The following COPS3 variants were observed in gnomAD, a reference collection of about 807,000 sequenced individuals.
The protein encoded by COPS3 is COP9 signalosome subunit 3, also known as COP9 signalosome complex subunit 3.
A neutral mutation model predicts 58.2 loss-of-function variants in COPS3; 10 were observed. The observed-to-expected ratio is 0.17, with a 90% CI of 0.11 to 0.29. The LOEUF is 0.29. Among genes scored for constraint, COPS3 ranks in the 10% least tolerant of loss-of-function variants. The pLI is 1.00. For synonymous variants in COPS3, 187 were observed against 181.7 expected (o/e 1.03, Z -0.24); for missense variants, 333 against 510.1 (o/e 0.65, Z 3.34).
chr17:17,269,706 A>T (rs1243709909), intron 4 of COPS3, among the ~76,000 whole-genome samples: 1 of 152,244 alleles, frequency 6.6e-6, no homozygotes, highest in East Asian at 1.9e-4. Context: ...AAAGAAACAA[A>T]GCAGTCTAAT....
chr17:17,248,423 T>A (rs1003131152), intron 10 of COPS3, among the ~76,000 whole-genome samples: 6 of 152,166 alleles, frequency 3.9e-5, no homozygotes, highest in Non-Finnish European at 7.3e-5. Context: ...TAAGAGACTT[T>A]CCTGCCTCAG....
intron 1 of COPS3, chr17:17,280,627 G>C (rs948185638): frequency 1.5e-4 from 191 of 1,303,248 alleles, no homozygotes; most frequent in Non-Finnish European, 1.9e-4. Flanking sequence ...ACAGGTTCCC[G>C]AGCGTGCGCC....
chr17:17,275,664 C>A (rs1476801515), intron 2 of COPS3, among the ~76,000 whole-genome samples: 1 of 152,008 alleles, frequency 6.6e-6, no homozygotes, highest in Non-Finnish European at 1.5e-5. Context: ...AAAGCCAGGG[C>A]TGGGCGTGGT....
rs1009883632 is a variant in COPS3 at position 17,271,930 on chromosome 17, T to A, written c.186-922A>T. 1.6e-3 allele frequency among the ~76,000 whole-genome samples: 229 copies of A among 146,286 alleles called. 2 individuals carry two copies. Among genetic ancestry groups the A allele is most frequent in the African/African-American group, 5.1e-3 (207 of 40,390 alleles). ...CATGTATATATTAAACATATATGTT[T>A]TATATATATATATATGTTTAATAAG... On this transcript the variant is annotated intron_variant, in intron 2 of 11. Coordinates refer to ENST00000268717, the MANE Select transcript of COPS3 (RefSeq NM_003653.4).
chr17:17,278,878 CTTT>C (rs1278820637), intron 1 of COPS3, among the ~76,000 whole-genome samples: 4 of 140,454 alleles, frequency 2.8e-5, no homozygotes, highest in Admixed American at 7.2e-5. Context: ...TCTTTTTTTT[CTTT>C]TTTTTTTTTT....
In COPS3 at chr17:17,247,578, T is replaced by G; in HGVS notation, c.1138-18A>C. The stretch of plus-strand genomic sequence containing the variant: ...TTCAGCATCTGCATGACAGGCACAT[T>G]AGAAGGTGGTCAGCGGCGGGTTTAG... On this transcript the variant is annotated intron_variant, in intron 10 of 11. Transcript: ENST00000268717. 1.2e-6 allele frequency: 2 copies of G among 1,613,936 alleles called. No individual in the cohort carries two copies. The highest frequency in any genetic ancestry group is 1.7e-6 in the Non-Finnish European group (2 of 1,179,832).
At chr17:17,275,650 A>AT (rs1021948734) in intron 2 of COPS3, among the ~76,000 whole-genome samples, 1 of 152,220 alleles carries the variant, frequency 6.6e-6, no homozygotes, top group Admixed American at 6.5e-5. Context: ...AAATAAATAA[A>AT]AATAAAGCCA....
rs377400440 is a variant in COPS3, at chr17:17,280,400, C to CAA, written c.55+730_55+731dup. ...CCTGGGAGACAGTGAGACTCCGTCTCAAAAAAAAAAAAAGCCGTGTGAGCT... is the reference window on the plus strand; with the variant it reads ...CCTGGGAGACAGTGAGACTCCGTCTCAAAAAAAAAAAAAAAGCCGTGTGAGCT... On this transcript the variant is annotated intron_variant, in intron 1 of 11. Transcript: ENST00000268717. Among the ~76,000 whole-genome samples, 754 of 108,226 alleles carry CAA rather than the reference C, an allele frequency of 7.0e-3. 4 individuals are homozygous for CAA. Among genetic ancestry groups the CAA allele is most frequent in the Middle Eastern group, 0.016 (3 of 182 alleles). 71.0% of individuals were successfully genotyped at this position (108,226 alleles called of 152,430 possible).
chr17:17,257,791 C>T (rs560401487), intron 8 of COPS3, among the ~76,000 whole-genome samples: 23 of 119,706 alleles, frequency 1.9e-4, no homozygotes, highest in Admixed American at 5.1e-4. Context: ...AGCAAGACTC[C>T]GTCTCAAAAA....
Position 17,262,288 on chromosome 17 carries a change from T to A in COPS3, c.622-182A>T, listed in dbSNP as rs1199870671. 3.9e-5 allele frequency among the ~76,000 whole-genome samples: 6 copies of A among 152,268 alleles called. No individual in the cohort carries two copies. In the East Asian group the frequency reaches 1.2e-3, roughly 29 times the overall value. On this transcript the variant is annotated intron_variant, in intron 6 of 11. Transcript: ENST00000268717. Reference sequence around the variant, plus strand: ...ATTTATGCATTTTTTAGAGACAGGGTCTCGCTCTGTCATCTAGGCTGGAGC... The same window carrying A: ...ATTTATGCATTTTTTAGAGACAGGGACTCGCTCTGTCATCTAGGCTGGAGC...
At chr17:17,267,455 A>G (rs1208626806) in intron 5 of COPS3, among the ~76,000 whole-genome samples, 1 of 151,842 alleles carries the variant, frequency 6.6e-6, no homozygotes, top group Non-Finnish European at 1.5e-5. Flanking sequence ...CCTGGCCAAC[A>G]TGGTGAAACC....
intron 7 of COPS3, chr17:17,261,542 A>G (rs2048100554): frequency 2.9e-6 from 1 of 341,692 alleles, no homozygotes; most frequent in East Asian, 1.2e-4. Flanking sequence ...AAATAAATAA[A>G]TAAATAAAAT....
intron 1 of COPS3, chr17:17,280,493 G>C: frequency 9.1e-7 from 1 of 1,096,360 alleles, no homozygotes; most frequent in South Asian, 1.6e-5. Context: ...CCGGGAGGCT[G>C]AGGTTGCAGT....
intron 6 of COPS3, among the ~76,000 whole-genome samples, chr17:17,262,924 G>A (rs530459648): frequency 2.0e-5 from 3 of 151,400 alleles, no homozygotes; most frequent in South Asian, 4.2e-4. Context: ...TTTTGAGGAC[G>A]AGTCTCTGTT....
At chr17:17,264,653 T>G (rs549248569) in intron 6 of COPS3, 149 bp downstream of exon 6, 2 of 620,994 alleles carry the variant, frequency 3.2e-6, no homozygotes, top group African/African-American at 3.7e-5. Context: ...GTTACCACTA[T>G]TTACATGATC....
chr17:17,280,847 C>G, intron 1 of COPS3: 1 of 1,220,570 alleles, frequency 8.2e-7, no homozygotes, highest in Non-Finnish European at 1.1e-6. Flanking sequence ...CGCCCCCAAA[C>G]TGTCAAGCAA....
intron 11 of COPS3, 122 bp from the exon 12 acceptor site, chr17:17,247,273 G>A: frequency 9.6e-7 from 1 of 1,037,774 alleles, no homozygotes; most frequent in Non-Finnish European, 1.5e-6. Flanking sequence ...AACAAGGGCA[G>A]GCAATTCCAG....
intron 2 of COPS3, among the ~76,000 whole-genome samples, 161 bp downstream of exon 2, chr17:17,275,874 G>A (rs978892605): frequency 4.6e-5 from 7 of 152,112 alleles, no homozygotes; most frequent in South Asian, 2.1e-4. Context: ...CCCGGGAGGC[G>A]GAGCTTGCAG....
chr17:17,275,420 C>T (rs1269230336), intron 2 of COPS3, among the ~76,000 whole-genome samples: 1 of 152,096 alleles, frequency 6.6e-6, no homozygotes, highest in Non-Finnish European at 1.5e-5. Context: ...GAGACAGTCT[C>T]GCTCTGTCAC....
Sources: allele counts gnomAD v4.1 joint callset (sites outside exome capture counted in the v4.1 genomes callset), GRCh38; gene constraint gnomAD v4.1.1; transcripts MANE v1.5; gene names NCBI Gene and HGNC (gene_info 2026-07-23, HGNC 2026-07-21).